Variants in TEP1 observed in about 807,000 individuals in gnomAD.
The protein encoded by TEP1 is telomerase associated protein 1, also known as telomerase protein component 1.
In TEP1, 241 loss-of-function variants were observed where a neutral mutation model predicts 306.3. The ratio of observed to expected loss-of-function variants is 0.79; its 90% CI spans 0.71 to 0.88. The LOEUF is 0.88. TEP1 is among the 40% of genes least tolerant of loss of function. The pLI is 0.00. For missense variants in TEP1, 3,051 were observed against 3,276.1 expected, an observed-to-expected ratio of 0.93 and a Z score of 1.68; for synonymous variants, 1,289 against 1,305.5, an observed-to-expected ratio of 0.99 and a Z score of 0.27.
intron 27 of TEP1, 105 bp from the exon 28 acceptor site, chr14:20,382,820 C>T: frequency 9.9e-7 from 1 of 1,015,134 alleles, no homozygotes; most frequent in South Asian, 1.3e-5. Flanking sequence ...TCTGAGAGTC[C>T]CCAGCAGACG....
In TEP1 at chr14:20,407,863, G is replaced by T. The variant is rs1566485448; in HGVS notation, c.567+10C>A. 6.3e-7 allele frequency: 1 copy of T among 1,579,234 alleles called. No homozygotes were observed. The highest frequency in any genetic ancestry group is 1.2e-5 in the South Asian group (1 of 86,230). On this transcript the variant is annotated intron_variant, in intron 2 of 54. Coordinates refer to ENST00000262715, the MANE Select transcript of TEP1 (RefSeq NM_007110.5). ...TGGCTGGAGTCAAGATGAGTGCCTG[G>T]AGCTATTACCAAAGTTGCTTCCTGA...
At chr14:20,389,560 A>C in intron 16 of TEP1, 50 bp downstream of exon 16, 4 of 1,605,572 alleles carry the variant, frequency 2.5e-6, no homozygotes, top group Non-Finnish European at 3.4e-6. Flanking sequence ...TAGAGAGGAA[A>C]TGTAGACCAC....
In TEP1 at chr14:20,368,522, A is replaced by G. The variant is rs377395827; in HGVS notation, c.7799T>C (p.Leu2600Pro). ...GGAGTTAGCGCCCAGCCAAGGTTCC[A>G]GGCAGCTCACTGACCCTTCGCATCG... is the stretch of plus-strand genomic sequence containing the variant. The part of the protein sequence containing the change: ...LFRCEGSVSC[L>P]EPWLGANSTL... The change falls in exon 55 of 55, where the codon CTG becomes CCG. Residue 2600 changes from leucine to proline, a missense_variant. Physicochemically the swap from Leu to Pro is moderately conservative, Grantham distance 98. Around this residue, in one of 3 missense-constraint regions of TEP1, gnomAD observed 1,540 missense variants for 1,705.9 expected, o/e 0.90. Transcript: ENST00000262715. 6.8e-6 allele frequency: 11 copies of G among 1,614,058 alleles called. No individual in the cohort carries two copies. Among genetic ancestry groups the G allele is most frequent in the Non-Finnish European group, 8.5e-6 (10 of 1,180,042 alleles).
chr14:20,379,472 A>T (rs1305861983), intron 35 of TEP1, among the ~76,000 whole-genome samples: 1 of 152,236 alleles, frequency 6.6e-6, no homozygotes, highest in African/African-American at 2.4e-5. Context: ...CTGTGCTGCC[A>T]TAATTCCCAG....
Position 20,381,683 on chromosome 14 carries a change from C to A in TEP1, c.4428G>T (p.Leu1476Phe), listed in dbSNP as rs1449789504. Residue 1476 changes from leucine to phenylalanine, a missense_variant, in exon 31 of 55, where the codon TTG (leucine) becomes TTT (phenylalanine). Transcript: ENST00000262715. The surrounding 1 kb of genome is among the most constrained non-coding windows in gnomAD (Gnocchi z 4.0). ...FACLVQSLRSLLGEGPLERPG... is the reference protein window; with the variant it reads ...FACLVQSLRSFLGEGPLERPG... Reference sequence around the variant, plus strand: ...GGCGCTCCAGAGGGCCCTCCCCTAGCAAACTGTCCTCGTGTGAGGAAGGGA... The same window carrying A: ...GGCGCTCCAGAGGGCCCTCCCCTAGAAAACTGTCCTCGTGTGAGGAAGGGA... 6.2e-6 allele frequency: 10 copies of A among 1,601,856 alleles called. No individual in the cohort carries two copies. The highest frequency in any genetic ancestry group is 1.1e-5 in the South Asian group (1 of 89,948).
At chr14:20,400,137 CAAAAAA>C (rs58121179) in intron 9 of TEP1, among the ~76,000 whole-genome samples, 3 of 80,468 alleles carry the variant, frequency 3.7e-5, no homozygotes, top group African/African-American at 1.2e-4. Flanking sequence ...AACTCCGTCT[CAAAAAA>C]AAAAAAAAAA....
At chr14:20,403,634 G>T in intron 6 of TEP1, 89 bp downstream of exon 6, 2 of 1,598,976 alleles carry the variant, frequency 1.3e-6, no homozygotes, top group Middle Eastern at 2.1e-4. Context: ...TTTGCTCCTG[G>T]TGTGGGACTC....
chr14:20,374,668 T>C (rs1885067238), intron 43 of TEP1, 132 bp from the exon 44 acceptor site: 2 of 603,456 alleles, frequency 3.3e-6, no homozygotes, highest in Non-Finnish European at 2.9e-6. Flanking sequence ...AAATCCTAGC[T>C]CTGTCACTCA....
At chr14:20,387,699 A>C (rs1312156132) in intron 18 of TEP1, among the ~76,000 whole-genome samples, 1 of 152,170 alleles carries the variant, frequency 6.6e-6, no homozygotes, top group Non-Finnish European at 1.5e-5. Context: ...TTGCATTCTG[A>C]CTTCCTTTCC....
chr14:20,374,282 T>TG (rs1468190253), intron 44 of TEP1, 147 bp downstream of exon 44: 92 of 567,494 alleles, frequency 1.6e-4, no homozygotes, highest in South Asian at 5.1e-4. Context: ...TTTATAGAGA[T>TG]GGGGGGTCTT....
intron 51 of TEP1, among the ~76,000 whole-genome samples, chr14:20,370,960 A>G (rs1338449638): frequency 2.0e-5 from 3 of 152,244 alleles, no homozygotes; most frequent in African/African-American, 7.2e-5. Flanking sequence ...CACGGGAAAA[A>G]ATGCAATTGA....
At chr14:20,395,779 G>C in intron 11 of TEP1, 80 bp downstream of exon 11, 1 of 1,536,028 alleles carries the variant, frequency 6.5e-7, no homozygotes, top group Admixed American at 1.7e-5. Flanking sequence ...CAAAGCAAGA[G>C]GCTAAAAATA....
intron 1 of TEP1, among the ~76,000 whole-genome samples, chr14:20,413,176 A>C (rs1594386691): frequency 2.1e-5 from 3 of 145,040 alleles, no homozygotes; most frequent in Admixed American, 6.9e-5. Context: ...CTCCTTTCTC[A>C]CCTCCCCTTT....
In TEP1 at chr14:20,368,764, G is replaced by GCGCACA. The variant is rs1555319356; in HGVS notation, c.7761+33_7761+34insTGTGCG. The GCGCACA allele has an allele frequency of 4.2e-4, 571 of 1,344,458 alleles. 2 individuals carry two copies. The African/African-American group carries it at 7.3e-3, about 17-fold the overall frequency. The allele number at this position is 1,344,458 out of a possible 1,614,324, so 83.3% of individuals were successfully genotyped here. On this transcript the variant is annotated intron_variant, in intron 54 of 54. Coordinates refer to ENST00000262715, the MANE Select transcript of TEP1 (RefSeq NM_007110.5). ...CTTTGGGATAGGTGTGCAGGCGCAC[G>GCGCACA]CACACACACACACACACACACACAC...
At chr14:20,405,937 A>G (rs1228894421) in intron 3 of TEP1, among the ~76,000 whole-genome samples, 3 of 150,668 alleles carry the variant, frequency 2.0e-5, no homozygotes, top group Non-Finnish European at 4.4e-5. Context: ...TAATGAATTC[A>G]GGAGGCAGAG....
chr14:20,404,533 G>A, intron 5 of TEP1, 78 bp downstream of exon 5: 2 of 1,516,896 alleles, frequency 1.3e-6, no homozygotes, highest in South Asian at 2.6e-5. Context: ...AATTGCCTGA[G>A]AATTTTCTCC....
At chr14:20,409,689 A>G (rs1013031685) in intron 1 of TEP1, among the ~76,000 whole-genome samples, 4 of 152,108 alleles carry the variant, frequency 2.6e-5, no homozygotes, top group African/African-American at 9.7e-5. Flanking sequence ...AGATACTTAA[A>G]TTCTCTGTGT....
intron 15 of TEP1, 84 bp from the exon 16 acceptor site, chr14:20,389,824 A>AG: frequency 1.3e-6 from 2 of 1,548,712 alleles, no homozygotes; most frequent in South Asian, 2.4e-5. Flanking sequence ...TGAGGACAGG[A>AG]GGATTAGGAG....
chr14:20,393,154 T>C (rs1358956766), intron 12 of TEP1, among the ~76,000 whole-genome samples: 4 of 151,754 alleles, frequency 2.6e-5, no homozygotes, highest in East Asian at 1.9e-4. Context: ...GAGGTGGAGC[T>C]TGCAGTGAGC....
Sources: allele counts gnomAD v4.1 joint callset (sites outside exome capture counted in the v4.1 genomes callset), GRCh38; gene constraint gnomAD v4.1.1; regional missense constraint gnomAD v4.1.1; non-coding constraint Gnocchi (gnomAD v3.1); transcripts MANE v1.5; gene names NCBI Gene and HGNC (gene_info 2026-07-23, HGNC 2026-07-21).